Variants in USP34 observed in about 807,000 individuals in gnomAD.
The protein encoded by USP34 is ubiquitin carboxyl-terminal hydrolase 34.
A neutral mutation model predicts 460.3 loss-of-function variants in USP34; 70 were observed. The ratio of observed to expected loss-of-function variants is 0.15; its 90% CI spans 0.13 to 0.19. The LOEUF (loss-of-function observed/expected upper bound fraction) is 0.19, where lower values mean the gene tolerates loss of function less well. USP34 is among the 10% of genes least tolerant of loss of function. USP34 has a pLI of 1.00. For synonymous variants in USP34, 1,647 were observed against 1,405.3 expected, an observed-to-expected ratio of 1.17 and a Z score of -3.85; for missense variants, 3,985 against 4,236.2, an observed-to-expected ratio of 0.94 and a Z score of 1.65.
At chr2:61,215,367 C>T (rs1687367502) in intron 67 of USP34, among the ~76,000 whole-genome samples, 1 of 151,768 alleles carries the variant, frequency 6.6e-6, no homozygotes, top group South Asian at 2.1e-4. Flanking sequence ...ACATAAAAGT[C>T]CTATTTGATT....
At chr2:61,458,099 G>C (rs1412327426) in intron 1 of USP34, among the ~76,000 whole-genome samples, 3 of 152,058 alleles carry the variant, frequency 2.0e-5, no homozygotes, top group African/African-American at 4.8e-5. Context: ...TGCAATCATA[G>C]AACTGATAGT....
rs187285408 is a variant in USP34, at chr2:61,296,918, C to T, written c.4136G>A (p.Arg1379Gln). ...KVAVDDSESL[R>Q]CEELHLHAEN... is the part of the protein sequence containing the mutation. ...TGCATGAAGATGAAGTTCTTCACATCGTAAGCTCTACACAAATAAGAACAA... is the reference window on the plus strand; with the variant it reads ...TGCATGAAGATGAAGTTCTTCACATTGTAAGCTCTACACAAATAAGAACAA... The change falls in exon 30 of 80, where the codon CGA (arginine) becomes CAA (glutamine). Residue 1379 changes from arginine (R) to glutamine (Q), a missense_variant. Around this residue, in one of 14 missense-constraint regions of USP34, gnomAD observed 1,114 missense variants for 1,122.5 expected, o/e 0.99. Transcript: ENST00000398571. The T allele has an allele frequency of 1.9e-5, 31 of 1,611,852 alleles. No homozygotes were observed. The highest frequency in any genetic ancestry group is 2.7e-5 in the African/African-American group (2 of 74,758).
chr2:61,349,772 C>T (rs778610213), intron 12 of USP34, among the ~76,000 whole-genome samples: 7 of 151,984 alleles, frequency 4.6e-5, no homozygotes, highest in Middle Eastern at 3.4e-3. Context: ...ACCCGGGAGA[C>T]GCAGCTTGCA....
At chr2:61,402,431 G>A (rs1418954732) in intron 3 of USP34, among the ~76,000 whole-genome samples, 1 of 152,314 alleles carries the variant, frequency 6.6e-6, no homozygotes, top group South Asian at 2.1e-4. Flanking sequence ...GTGGCTCCAA[G>A]TTCCCATATT....
At chr2:61,414,800 T>C (rs1187877000) in intron 2 of USP34, among the ~76,000 whole-genome samples, 4 of 152,168 alleles carry the variant, frequency 2.6e-5, no homozygotes, top group Non-Finnish European at 5.9e-5. Flanking sequence ...ATTGGTTACT[T>C]GGTATACACC....
chr2:61,265,542 T>C lies in USP34; in HGVS notation c.5633A>G (p.Lys1878Arg), dbSNP rs1689020748. Residue 1878 changes from lysine (K) to arginine (R), a missense_variant, in exon 43 of 80, where the codon AAA becomes AGA. This residue lies in a region of USP34 where 1,114 missense variants were observed against 1,122.5 expected (regional missense o/e 0.99). Coordinates refer to ENST00000398571, the MANE Select transcript of USP34 (RefSeq NM_014709.4). ...ATCTTCATGAGGCCAGTAATCCCAT[T>C]TATAAGGTGCATGGGCTGCTGAAGA... is the stretch of plus-strand genomic sequence containing the variant. ...AQHMQSHAPY[K>R]WDYWPHEDVR... The C allele has an allele frequency of 6.2e-7, 1 of 1,609,874 alleles. No homozygotes were observed. The highest frequency in any genetic ancestry group is 8.5e-7 in the Non-Finnish European group (1 of 1,176,890).
intron 18 of USP34, among the ~76,000 whole-genome samples, chr2:61,335,042 A>G (rs965277847): frequency 1.8e-4 from 28 of 152,236 alleles, no homozygotes; most frequent in African/African-American, 6.8e-4. Context: ...CCAAAGCACT[A>G]AAACATTTTA....
At chr2:61,342,354 G>C (rs1053644761) in intron 16 of USP34, among the ~76,000 whole-genome samples, 1 of 143,448 alleles carries the variant, frequency 7.0e-6, no homozygotes, top group Non-Finnish European at 1.5e-5. Context: ...AGGCTGGAGT[G>C]CAGTGGCGTG....
At chr2:61,322,448 A>G (rs1397008772) in intron 21 of USP34, among the ~76,000 whole-genome samples, 1 of 149,104 alleles carries the variant, frequency 6.7e-6, no homozygotes, top group African/African-American at 2.6e-5. Context: ...AAGGGAAGGC[A>G]TTATAGGCAA....
intron 1 of USP34, among the ~76,000 whole-genome samples, chr2:61,437,526 C>A (rs1299459122): frequency 6.6e-6 from 1 of 152,094 alleles, no homozygotes; most frequent in Non-Finnish European, 1.5e-5. Context: ...GTAATCCCAG[C>A]ACTTTGGCAG....
intron 51 of USP34, among the ~76,000 whole-genome samples, chr2:61,243,436 C>T (rs1688330073): frequency 6.6e-6 from 1 of 152,030 alleles, no homozygotes; most frequent in South Asian, 2.1e-4. Flanking sequence ...CGTGAGCCAC[C>T]ATGCCCGGCC....
chr2:61,293,489 G>A lies in USP34; in HGVS notation c.4523C>T (p.Pro1508Leu). ...CACAGTCCATGATTCCTGCTCTTTA[G>A]GCTCTAGAATTCCAGAATTAAAAAT... ...LEIFNSGILE[P>L]KEQESWTVWQ... Residue 1508 changes from proline to leucine, a missense_variant, in exon 33 of 80, where the codon CCT (proline) becomes CTT (leucine). This residue lies in a region of USP34 where 1,114 missense variants were observed against 1,122.5 expected (regional missense o/e 0.99). Transcript: ENST00000398571. 1 of 1,612,792 alleles carries A rather than the reference G, an allele frequency of 6.2e-7. No individual in the cohort carries two copies. Among genetic ancestry groups the A allele is most frequent in the Non-Finnish European group, 8.5e-7 (1 of 1,179,304 alleles).
At chr2:61,348,503 T>C in intron 14 of USP34, 23 bp from the exon 15 acceptor site, 1 of 1,592,394 alleles carries the variant, frequency 6.3e-7, no homozygotes, top group Non-Finnish European at 8.5e-7. Context: ...ACAAATAGAT[T>C]TAAATAAATA....
Position 61,269,937 on chromosome 2 carries a change from T to C in USP34, c.5434-3770A>G, listed in dbSNP as rs541815356. Among the ~76,000 whole-genome samples the C allele has an allele frequency of 8.5e-5, 13 of 152,308 alleles. No individual in the cohort carries two copies. The East Asian group carries it at 2.5e-3, about 29-fold the overall frequency. ...TGGGAATATTTCAAATCCTCCCTTT[T>C]AGCTATTTTGAAATACACAAAAAAA... On this transcript the variant is annotated intron_variant, in intron 41 of 79. Transcript: ENST00000398571.
intron 33 of USP34, among the ~76,000 whole-genome samples, chr2:61,292,929 A>AT: frequency 6.6e-6 from 1 of 152,124 alleles, no homozygotes; most frequent in Non-Finnish European, 1.5e-5. Context: ...AAAAAATTCC[A>AT]TTTTGTTGAG....
At chr2:61,258,232 T>TG (rs778707826) in intron 44 of USP34, among the ~76,000 whole-genome samples, 1 of 152,032 alleles carries the variant, frequency 6.6e-6, no homozygotes, top group Non-Finnish European at 1.5e-5. Flanking sequence ...TACAAGCCTG[T>TG]GGTCCCAGGC....
Position 61,470,973 on chromosome 2 carries a change from G to A in USP34, c.-281C>T, listed in dbSNP as rs1188159573. Among the ~76,000 whole-genome samples the A allele has an allele frequency of 7.3e-6, 1 of 136,814 alleles. No individual in the cohort carries two copies. The highest frequency in any genetic ancestry group is 2.6e-5 in the African/African-American group (1 of 38,196). 89.8% of individuals were successfully genotyped at this position (136,814 alleles called of 152,430 possible). On this transcript the variant is annotated 5_prime_UTR_variant, in exon 1 of 80. Coordinates refer to ENST00000398571, the MANE Select transcript of USP34 (RefSeq NM_014709.4). ...CGGGGAAGGGGGGGAAGGACGGGGG[G>A]AGGGGAGAGGGGGGGAGGGGGCGGG...
At chr2:61,306,575 A>G (rs1003917896) in intron 27 of USP34, among the ~76,000 whole-genome samples, 6 of 152,078 alleles carry the variant, frequency 3.9e-5, no homozygotes, top group African/African-American at 1.4e-4. Flanking sequence ...TTTCATATGA[A>G]CTTTAAAGTA....
chr2:61,463,485 A>G (rs1364987692), intron 1 of USP34, among the ~76,000 whole-genome samples: 1 of 152,178 alleles, frequency 6.6e-6, no homozygotes, highest in African/African-American at 2.4e-5. Flanking sequence ...CACTTTGCCA[A>G]CTGAACAGTG....
Sources: allele counts gnomAD v4.1 joint callset (sites outside exome capture counted in the v4.1 genomes callset), GRCh38; gene constraint gnomAD v4.1.1; regional missense constraint gnomAD v4.1.1; transcripts MANE v1.5; gene names NCBI Gene and HGNC (gene_info 2026-07-23, HGNC 2026-07-21).